MYCBP2: variants seen among roughly 807,000 people sequenced by gnomAD.
The protein encoded by MYCBP2 is E3 ubiquitin-protein ligase MYCBP2.
A neutral mutation model predicts 525.3 loss-of-function variants in MYCBP2; 120 were observed. The ratio of observed to expected loss-of-function variants is 0.23; its 90% confidence interval spans 0.20 to 0.27. The LOEUF is 0.27. Among genes scored for constraint, MYCBP2 ranks in the 10% least tolerant of loss-of-function variants. The probability of loss-of-function intolerance (pLI) is 1.00; values close to 1 mark genes in which losing one functional copy is unlikely to be tolerated. For synonymous variants in MYCBP2, 1,894 were observed against 1,955.8 expected, an observed-to-expected ratio of 0.97 and a Z score of 0.83; for missense variants, 4,149 against 5,657.1, an observed-to-expected ratio of 0.73 and a Z score of 8.55.
intron 52 of MYCBP2, among the ~76,000 whole-genome samples, chr13:77,132,384 TA>T (rs1157315666): frequency 1.1e-4 from 16 of 152,146 alleles, no homozygotes; most frequent in African/African-American, 3.6e-4. Context: ...TTTTATCAAT[TA>T]ACCCAGGTGA....
In MYCBP2 at chr13:77,081,023, G is replaced by A. The variant is rs1455934793; in HGVS notation, c.11418+404C>T. The A allele has an allele frequency of 6.0e-6, 1 of 165,802 alleles. No individual in the cohort carries two copies. The highest frequency in any genetic ancestry group is 6.1e-5 in the Admixed American group (1 of 16,526). The allele number at this position is 165,802 out of a possible 1,614,324, so 10.3% of individuals were successfully genotyped here. ...CAGAGTAATACAAAAAGAATCAGCA[G>A]AGGGAAAGAGTAATTTTTTAGAGGA... On this transcript the variant is annotated intron_variant, in intron 65 of 82. Coordinates refer to ENST00000544440, the MANE Select transcript of MYCBP2 (RefSeq NM_015057.5). The surrounding 1 kb of genome is among the most constrained non-coding windows in gnomAD (Gnocchi z 4.6).
rs761790230 is a variant in MYCBP2, at chr13:77,140,159, C to T, written c.7406G>A (p.Arg2469Gln). 12 of 1,593,758 alleles carry T rather than the reference C, an allele frequency of 7.5e-6. No homozygotes were observed. The highest frequency in any genetic ancestry group is 5.5e-5 in the Admixed American group (3 of 54,434). Residue 2469 changes from arginine (R) to glutamine (Q), a missense_variant, in exon 51 of 83, where the codon CGA (arginine) becomes CAA (glutamine). Around this residue, in one of 21 missense-constraint regions of MYCBP2, gnomAD observed 692 missense variants for 852.7 expected, o/e 0.81. Transcript: ENST00000544440. ...CGCACTGTCCTTGGCCACAAATTTT[C>T]GAACCTGAGAAAGGCAAAGATAAAC... is the stretch of plus-strand genomic sequence containing the variant. ...PKSEPQPNKV[R>Q]KFVAKDSAGL...
intron 44 of MYCBP2, among the ~76,000 whole-genome samples, chr13:77,158,981 G>A (rs1008355566): frequency 6.6e-6 from 1 of 152,278 alleles, no homozygotes; most frequent in Admixed American, 6.5e-5. Flanking sequence ...TTTTTGGAGA[G>A]ACTTGTTTTA....
chr13:77,157,892 A>G (rs1255786320), intron 45 of MYCBP2, 45 bp downstream of exon 45: 3 of 1,484,728 alleles, frequency 2.0e-6, no homozygotes, highest in Admixed American at 4.4e-5. Flanking sequence ...AAATGAAGAA[A>G]GATGAAAGCC....
rs562684174 is a variant in MYCBP2 at position 77,217,944 on chromosome 13, G to A, written c.2953C>T (p.Leu985Phe). The part of the protein sequence containing the change: ...GDVNSRGCPT[L>F]VQALPGPSTQ... The stretch of plus-strand genomic sequence containing the variant: ...CTAGGGCCTGGCAATGCTTGAACAA[G>A]AGTGGGACATCCCCTAGGTTAAAAA... Residue 985 changes from leucine (L) to phenylalanine (F), a missense_variant, in exon 21 of 83, where the codon CTT (leucine) becomes TTT (phenylalanine). Leu to Phe is a conservative substitution (Grantham distance 22). Coordinates refer to ENST00000544440, the MANE Select transcript of MYCBP2 (RefSeq NM_015057.5). 7.5e-6 allele frequency: 12 copies of A among 1,599,018 alleles called. No individual in the cohort carries two copies. In the South Asian group the frequency reaches 1.4e-4, roughly 18 times the overall value.
chr13:77,045,180 T>C lies in MYCBP2; in HGVS notation c.*198A>G. The C allele has an allele frequency of 2.1e-6, 1 of 486,220 alleles. No individual in the cohort carries two copies. 30.1% of individuals were successfully genotyped at this position (486,220 alleles called of 1,614,324 possible). ...TTGATGTCATTTGTTCAAAAGAAGA[T>C]AAACCAAAATAATGGGGAAACTTTT... On this transcript the variant is annotated 3_prime_UTR_variant, in exon 83 of 83. Transcript: ENST00000544440.
chr13:77,141,019 A>T, intron 49 of MYCBP2, 76 bp from the exon 50 acceptor site: 1 of 1,000,236 alleles, frequency 1.0e-6, no homozygotes, highest in Non-Finnish European at 1.5e-6. Context: ...TCTTATAAAC[A>T]TCCACAGGCT....
chr13:77,174,553 C>G, intron 36 of MYCBP2, 64 bp from the exon 37 acceptor site: 1 of 1,323,800 alleles, frequency 7.6e-7, no homozygotes, highest in East Asian at 2.4e-5. Flanking sequence ...AAAAAGAACT[C>G]TAGCAGTAAA....
chr13:77,168,963 ACT>A (rs1431231532), intron 39 of MYCBP2, among the ~76,000 whole-genome samples: 1 of 152,142 alleles, frequency 6.6e-6, no homozygotes, highest in Non-Finnish European at 1.5e-5. Flanking sequence ...ATTTTAAAAC[ACT>A]CTTATCCTTT....
chr13:77,240,937 AATTT>A (rs1266183643), intron 17 of MYCBP2, among the ~76,000 whole-genome samples: 1 of 152,140 alleles, frequency 6.6e-6, no homozygotes, highest in Non-Finnish European at 1.5e-5. Context: ...GACAAGATAA[AATTT>A]ATGTACACCA....
rs577179446 is a variant in MYCBP2, at chr13:77,284,883, G to A, written c.594+3278C>T. Among the ~76,000 whole-genome samples the A allele has an allele frequency of 8.5e-5, 13 of 152,166 alleles. 1 individual carries two copies. The South Asian group carries it at 2.7e-3, about 32-fold the overall frequency. On this transcript the variant is annotated intron_variant, in intron 3 of 82. Coordinates refer to ENST00000544440, the MANE Select transcript of MYCBP2 (RefSeq NM_015057.5). Reference sequence around the variant, plus strand: ...TAGATGACAAAACTGAGGCACGGATGTGTCAAATAACTTCCAGTGTCACAT... The same window carrying A: ...TAGATGACAAAACTGAGGCACGGATATGTCAAATAACTTCCAGTGTCACAT...
intron 18 of MYCBP2, among the ~76,000 whole-genome samples, chr13:77,226,101 AT>A (rs2154296488): frequency 6.6e-6 from 1 of 152,314 alleles, no homozygotes; most frequent in Non-Finnish European, 1.5e-5. Flanking sequence ...TATTCAATAT[AT>A]TGCAGTTCAA....
intron 1 of MYCBP2, among the ~76,000 whole-genome samples, chr13:77,322,069 G>C (rs995716142): frequency 8.5e-5 from 13 of 152,154 alleles, no homozygotes; most frequent in African/African-American, 2.9e-4. Flanking sequence ...ACTGAGGCAG[G>C]AAGATCACTT....
intron 26 of MYCBP2, among the ~76,000 whole-genome samples, 185 bp downstream of exon 26, chr13:77,205,071 A>G (rs1466145113): frequency 6.6e-6 from 1 of 151,972 alleles, no homozygotes; most frequent in Non-Finnish European, 1.5e-5. Context: ...ATAAATTTAA[A>G]AAATTTAGTA....
chr13:77,069,084 T>C (rs1228077587), intron 69 of MYCBP2, among the ~76,000 whole-genome samples: 2 of 152,228 alleles, frequency 1.3e-5, no homozygotes, highest in Non-Finnish European at 2.9e-5. Flanking sequence ...ATGCAAGTTA[T>C]TAATGCCTAT....
At chr13:77,297,651 CCT>C (rs2078336314) in intron 1 of MYCBP2, among the ~76,000 whole-genome samples, 1 of 151,854 alleles carries the variant, frequency 6.6e-6, no homozygotes, top group Admixed American at 6.6e-5. Context: ...GAAGAGTTAG[CCT>C]GCTGGAAAAA....
intron 32 of MYCBP2, among the ~76,000 whole-genome samples, chr13:77,182,157 T>C (rs2060273781): frequency 6.6e-6 from 1 of 152,208 alleles, no homozygotes; most frequent in Non-Finnish European, 1.5e-5. Flanking sequence ...ATCAGGCTCC[T>C]GTCCTCTAGT....
intron 55 of MYCBP2, chr13:77,103,098 T>C: frequency 2.5e-6 from 1 of 393,134 alleles, no homozygotes. Flanking sequence ...TGATAAACTT[T>C]AATTAAAAAA....
At chr13:77,234,484 C>T (rs1314649161) in intron 17 of MYCBP2, among the ~76,000 whole-genome samples, 1 of 151,834 alleles carries the variant, frequency 6.6e-6, no homozygotes, top group African/African-American at 2.4e-5. Context: ...GGTAAAGGAA[C>T]CATATTTCAA....
Sources: gnomAD v4.1 joint callset for allele counts (sites outside exome capture counted in the v4.1 genomes callset) on GRCh38, gnomAD v4.1.1 for gene constraint, gnomAD v4.1.1 regional missense constraint, Gnocchi (gnomAD v3.1) non-coding constraint, MANE v1.5 for transcripts, NCBI Gene and HGNC (gene_info 2026-07-23, HGNC 2026-07-21) for gene names.